Variants in ZNF714 observed in about 807,000 individuals in gnomAD.
The protein encoded by ZNF714 is zinc finger protein 714.
Under a neutral mutation model 46.2 loss-of-function variants are expected in ZNF714, and 32 were observed. The ratio of observed to expected loss-of-function variants is 0.69; its 90% CI spans 0.52 to 0.93. The LOEUF is 0.93. ZNF714 is among the 40% of genes least tolerant of loss of function. ZNF714 has a pLI of 0.00. For synonymous variants in ZNF714, 199 were observed against 213.1 expected, an observed-to-expected ratio of 0.93 and a Z score of 0.58; for missense variants, 635 against 646.3, an observed-to-expected ratio of 0.98 and a Z score of 0.19.
Position 21,118,015 on chromosome 19 carries a change from A to C in ZNF714, c.1351A>C (p.Lys451Gln), listed in dbSNP as rs1419022293. 6.2e-7 allele frequency: 1 copy of C among 1,613,878 alleles called. No individual in the cohort carries two copies. Among genetic ancestry groups the C allele is most frequent in the East Asian group, 2.2e-5 (1 of 44,872 alleles). Residue 451 changes from lysine (K) to glutamine (Q), a missense_variant, in exon 5 of 5, where the codon AAA becomes CAA. Coordinates refer to ENST00000456283, the MANE Select transcript of ZNF714 (RefSeq NM_182515.4). ...ACATAAGAGAATTCACACTGGAGAG[A>C]AACCCTACAAATGTGAAGAATGTGG... ...TTHKRIHTGE[K>Q]PYKCEECGKA...
rs1969615789 is a variant in ZNF714, at chr19:21,117,171, A to G, written c.507A>G (p.Arg169=). 1.2e-6 allele frequency: 2 copies of G among 1,613,918 alleles called. No individual in the cohort carries two copies. Among genetic ancestry groups the G allele is most frequent in the Admixed American group, 1.7e-5 (1 of 60,000 alleles). Residue 169 remains arginine (R), a synonymous_variant, in exon 5 of 5, where the codon AGA becomes AGG. Coordinates refer to ENST00000456283, the MANE Select transcript of ZNF714 (RefSeq NM_182515.4). The stretch of plus-strand genomic sequence containing the variant: ...ATCAACATAAAAGAATTCATATTAG[A>G]GAGAATTCTTACCAATGTGAAGAAT... ...HLHQHKRIHI[R]ENSYQCEECD...
intron 4 of ZNF714, 130 bp downstream of exon 4, chr19:21,099,040 T>C: frequency 2.1e-6 from 1 of 470,184 alleles, no homozygotes; most frequent in African/African-American, 2.0e-5. Flanking sequence ...CTGGGAAGAC[T>C]GAATATTTTC....
chr19:21,085,707 C>T (rs2144819005), intron 2 of ZNF714, among the ~76,000 whole-genome samples: 1 of 152,270 alleles, frequency 6.6e-6, no homozygotes. Context: ...TCTGCTCACC[C>T]CAGCCATGGA....
Position 21,119,131 on chromosome 19 carries a change from G to T in ZNF714, c.*799G>T, listed in dbSNP as rs368755946. The T allele has an allele frequency of 1.1e-5, 5 of 451,160 alleles. No homozygotes were observed. The highest frequency in any genetic ancestry group is 4.0e-5 in the African/African-American group (2 of 49,418). 27.9% of individuals were successfully genotyped at this position (451,160 alleles called of 1,614,324 possible). On this transcript the variant is annotated 3_prime_UTR_variant, in exon 5 of 5. Transcript: ENST00000456283. ...AGAAAATACAAGCTTTTGACCAGGC[G>T]TGGTGGCTCAGGCCTATAATCCCAG...
At chr19:21,096,770 T>C (rs1166015953) in intron 2 of ZNF714, among the ~76,000 whole-genome samples, 1 of 152,170 alleles carries the variant, frequency 6.6e-6, no homozygotes, top group Non-Finnish European at 1.5e-5. Flanking sequence ...ATGGAGAACA[T>C]ATAATGTTGA....
At position 21,118,208 on chromosome 19, in the gene ZNF714, C is replaced by T. The variant is rs768906557; in HGVS notation, c.1544C>T (p.Thr515Ile). 1 of 1,599,730 alleles carries T rather than the reference C, an allele frequency of 6.3e-7. No homozygotes were observed. The highest frequency in any genetic ancestry group is 8.5e-7 in the Non-Finnish European group (1 of 1,171,918). ...GMVAHACNPNTLRGLGEQIAR... is the reference protein window; with the variant it reads ...GMVAHACNPNILRGLGEQIAR... ...GTGGCTCATGCCTGTAATCCCAACACTTTGAGAGGACTAGGTGAGCAGATC... is the reference window on the plus strand; with the variant it reads ...GTGGCTCATGCCTGTAATCCCAACATTTTGAGAGGACTAGGTGAGCAGATC... Residue 515 changes from threonine (T) to isoleucine (I), a missense_variant, in exon 5 of 5, where the codon ACT becomes ATT. Thr to Ile is a moderately conservative substitution (Grantham distance 89). Coordinates refer to ENST00000456283, the MANE Select transcript of ZNF714 (RefSeq NM_182515.4).
Position 21,123,451 on chromosome 19 carries a change from T to A in ZNF714, c.*5119T>A, listed in dbSNP as rs990739712. 3.9e-5 allele frequency among the ~76,000 whole-genome samples: 6 copies of A among 152,162 alleles called. No individual in the cohort carries two copies. Among genetic ancestry groups the A allele is most frequent in the African/African-American group, 1.4e-4 (6 of 41,520 alleles). On this transcript the variant is annotated 3_prime_UTR_variant, in exon 5 of 5. Coordinates refer to ENST00000456283, the MANE Select transcript of ZNF714 (RefSeq NM_182515.4). ...CTCACTGCAAGCTCCGCCTTCCGGG[T>A]TCACGCCATTCTCCCGCCTCAGCCT... is the stretch of plus-strand genomic sequence containing the variant.
At chr19:21,116,747 G>A (rs989934680) in intron 4 of ZNF714, 60 bp from the exon 5 acceptor site, 11 of 1,508,514 alleles carry the variant, frequency 7.3e-6, no homozygotes, top group African/African-American at 1.4e-5. Context: ...GGTTAGATTT[G>A]TAAAGTATGT....
At chr19:21,082,419 G>GT in intron 1 of ZNF714, 71 bp downstream of exon 1, 1 of 1,400,148 alleles carries the variant, frequency 7.1e-7, no homozygotes, top group South Asian at 1.2e-5. Context: ...AGTGGCTGTG[G>GT]TGGGACTTAG....
At chr19:21,089,967 G>A (rs1015074834) in intron 2 of ZNF714, among the ~76,000 whole-genome samples, 1 of 152,336 alleles carries the variant, frequency 6.6e-6, no homozygotes, top group Non-Finnish European at 1.5e-5. Flanking sequence ...GTGGCTGGCT[G>A]CACCACAGCC....
intron 2 of ZNF714, among the ~76,000 whole-genome samples, chr19:21,092,355 G>A (rs1304946467): frequency 6.6e-6 from 1 of 152,118 alleles, no homozygotes; most frequent in Non-Finnish European, 1.5e-5. Context: ...TTGACAAAAA[G>A]CCACAAAAGT....
intron 2 of ZNF714, among the ~76,000 whole-genome samples, chr19:21,088,438 A>G (rs1968835310): frequency 6.6e-6 from 1 of 152,164 alleles, no homozygotes; most frequent in African/African-American, 2.4e-5. Context: ...ACTGGCTTCA[A>G]GATAGGTAAA....
intron 4 of ZNF714, among the ~76,000 whole-genome samples, chr19:21,100,793 C>T (rs759511835): frequency 6.6e-6 from 1 of 152,114 alleles, no homozygotes; most frequent in Non-Finnish European, 1.5e-5. Flanking sequence ...TCACTGCAAC[C>T]TCCACCTCCT....
chr19:21,123,410 A>C lies in ZNF714; in HGVS notation c.*5078A>C, dbSNP rs1345800558. 6.6e-6 allele frequency among the ~76,000 whole-genome samples: 1 copy of C among 152,052 alleles called. No individual in the cohort carries two copies. The highest frequency in any genetic ancestry group is 2.4e-5 in the African/African-American group (1 of 41,394). On this transcript the variant is annotated 3_prime_UTR_variant, in exon 5 of 5. Transcript: ENST00000456283. ...TGCTCTGTCTCCCAGGCTAGAGTAC[A>C]GTGGTGTGATCTTGGCTCACTGCAA...
Position 21,117,775 on chromosome 19 carries a change from T to C in ZNF714, c.1111T>C (p.Cys371Arg). ...TCATACTGGAGAGAAACCCTACAAA[T>C]GTGAAGAATGTGGCAAAGCCTTTAA... ...MIHTGEKPYK[C>R]EECGKAFNHS... Residue 371 changes from cysteine to arginine, a missense_variant, in exon 5 of 5, where the codon TGT becomes CGT. Transcript: ENST00000456283. 1 of 1,613,656 alleles carries C rather than the reference T, an allele frequency of 6.2e-7. No individual in the cohort carries two copies. Among genetic ancestry groups the C allele is most frequent in the Non-Finnish European group, 8.5e-7 (1 of 1,179,964 alleles).
intron 1 of ZNF714, 48 bp downstream of exon 1, chr19:21,082,396 G>C: frequency 1.4e-6 from 2 of 1,443,654 alleles, no homozygotes; most frequent in Non-Finnish European, 1.9e-6. Context: ...GGGGCGGGTT[G>C]TAAGCGGTGG....
At position 21,118,624 on chromosome 19, in the gene ZNF714, T is replaced by TCTTA; in HGVS notation, c.*295_*298dup. 1 of 252,856 alleles carries TCTTA rather than the reference T, an allele frequency of 4.0e-6. No individual in the cohort carries two copies. The highest frequency in any genetic ancestry group is 8.0e-6 in the Non-Finnish European group (1 of 125,610). The allele number at this position is 252,856 out of a possible 1,614,324, so 15.7% of individuals were successfully genotyped here. On this transcript the variant is annotated 3_prime_UTR_variant, in exon 5 of 5. Transcript: ENST00000456283. ...GCAAAGCCTTTAACCAGTCTTCAAC[T>TCTTA]CTTACTAGGCATTAAAAATTCATAC...
Position 21,124,429 on chromosome 19 carries a change from A to G in ZNF714, c.*6097A>G, listed in dbSNP as rs560311414. Among the ~76,000 whole-genome samples, 6 of 152,344 alleles carry G rather than the reference A, an allele frequency of 3.9e-5. No individual in the cohort carries two copies. The South Asian group carries it at 1.2e-3, about 32-fold the overall frequency. ...TAGTCCCCAAACTATGTATTTTCAT[A>G]CTATTTAGCCAAAGTAATCACAAAG... is the stretch of plus-strand genomic sequence containing the variant. On this transcript the variant is annotated 3_prime_UTR_variant, in exon 5 of 5. Transcript: ENST00000456283.
intron 2 of ZNF714, among the ~76,000 whole-genome samples, chr19:21,094,404 A>C (rs1021615713): frequency 2.0e-5 from 3 of 152,232 alleles, no homozygotes; most frequent in Non-Finnish European, 4.4e-5. Context: ...TTGCTGGGTC[A>C]AACAGTAATT....
Sources: gnomAD v4.1 joint callset for allele counts (sites outside exome capture counted in the v4.1 genomes callset) on GRCh38, gnomAD v4.1.1 for gene constraint, MANE v1.5 for transcripts, NCBI Gene and HGNC (gene_info 2026-07-23, HGNC 2026-07-21) for gene names.